The following AHI1 variants were observed in gnomAD, a reference collection of about 807,000 sequenced individuals.
The protein encoded by AHI1 is jouberin.
In AHI1, 123 loss-of-function variants were observed where a neutral mutation model predicts 149.3. The ratio of observed to expected loss-of-function variants is 0.82; its 90% CI spans 0.71 to 0.96. AHI1 has a LOEUF of 0.96. Ranked by LOEUF, AHI1 falls within the 40% of genes least tolerant of loss-of-function variation. AHI1 has a pLI of 0.00. For synonymous variants in AHI1, 475 were observed against 459.8 expected, an observed-to-expected ratio of 1.03 and a Z score of -0.42; for missense variants, 1,439 against 1,422.7, an observed-to-expected ratio of 1.01 and a Z score of -0.18.
chr6:135,492,616 T>C (rs953069096), intron 3 of AHI1: 2 of 985,430 alleles, frequency 2.0e-6, no homozygotes, highest in Non-Finnish European at 2.4e-6. Context: ...TTAATGAACA[T>C]TTCAACGCAC....
At chr6:135,305,027 A>G (rs1401695655) in intron 26 of AHI1, 1 of 152,184 alleles carries the variant, frequency 6.6e-6, no homozygotes, top group Non-Finnish European at 1.5e-5. Flanking sequence ...TTTGTTTTCT[A>G]TTTTAGGAAA....
chr6:135,302,791 T>C (rs1235128432), intron 26 of AHI1: 1 of 1,289,104 alleles, frequency 7.8e-7, no homozygotes, highest in South Asian at 1.2e-5. Flanking sequence ...AGGAGGTGTC[T>C]CTGTGAGCTG....
chr6:135,478,848 C>T (rs1793141667), intron 5 of AHI1, among the ~76,000 whole-genome samples: 1 of 152,248 alleles, frequency 6.6e-6, no homozygotes, highest in South Asian at 2.1e-4. Context: ...AGGCCCAGGG[C>T]CTCACTGCTC....
chr6:135,318,525 A>C lies in AHI1; in HGVS notation c.3420T>G (p.Pro1140=). 1 of 1,581,882 alleles carries C rather than the reference A, an allele frequency of 6.3e-7. No individual in the cohort carries two copies. The highest frequency in any genetic ancestry group is 2.3e-5 in the East Asian group (1 of 44,318). The stretch of plus-strand genomic sequence containing the variant: ...TATGCTCAAAAACATTTACCTTTTG[A>C]GGAGCTGGAGATTTTTCTATTTTAG... The part of the protein sequence containing the change: ...EKTKIEKSPA[P]QKQSINKNKS... Residue 1140 remains proline (P), a synonymous_variant, in exon 26 of 29, where the codon CCT becomes CCG. Transcript: ENST00000265602.
chr6:135,374,345 C>T lies in AHI1; in HGVS notation c.3110-16158G>A, dbSNP rs193177608. 2.1e-3 allele frequency among the ~76,000 whole-genome samples: 312 copies of T among 151,810 alleles called. 4 individuals carry two copies. The highest frequency in any genetic ancestry group is 6.8e-3 in the African/African-American group (283 of 41,408). On this transcript the variant is annotated intron_variant, in intron 23 of 28. Transcript: ENST00000265602. Reference sequence around the variant, plus strand: ...GCCAGGCTGGTCTCGATCTCCTGACCTCGTGATCCACCCGCCTCAGCCTCC... The same window carrying T: ...GCCAGGCTGGTCTCGATCTCCTGACTTCGTGATCCACCCGCCTCAGCCTCC...
chr6:135,387,892 G>T, intron 23 of AHI1: 2 of 1,570,418 alleles, frequency 1.3e-6, no homozygotes, highest in Non-Finnish European at 1.7e-6. Context: ...ACATTTATCC[G>T]AAGAGAGAAA....
At chr6:135,303,820 T>C (rs552186962) in intron 26 of AHI1, among the ~76,000 whole-genome samples, 1 of 152,186 alleles carries the variant, frequency 6.6e-6, no homozygotes, top group Non-Finnish European at 1.5e-5. Context: ...TGGCACCCCC[T>C]GCTTCCCAAC....
chr6:135,406,073 T>C (rs1403870290), intron 21 of AHI1, among the ~76,000 whole-genome samples: 1 of 152,116 alleles, frequency 6.6e-6, no homozygotes, highest in Non-Finnish European at 1.5e-5. Flanking sequence ...TTAGTCATAA[T>C]ATAAATCATT....
intron 5 of AHI1, among the ~76,000 whole-genome samples, chr6:135,483,427 T>C (rs1440146131): frequency 6.6e-6 from 1 of 152,132 alleles, no homozygotes; most frequent in Non-Finnish European, 1.5e-5. Context: ...ATGTAATTCA[T>C]AAGATGAAGA....
rs768504255 is a variant in AHI1, at chr6:135,495,855, G to A, written c.-96C>T. 13 of 152,042 alleles carry A rather than the reference G, an allele frequency of 8.6e-5. No homozygotes were observed. The highest frequency in any genetic ancestry group is 1.8e-4 in the Non-Finnish European group (12 of 68,002). The allele number at this position is 152,042 out of a possible 1,614,324, so 9.4% of individuals were successfully genotyped here. On this transcript the variant is annotated 5_prime_UTR_variant, in exon 3 of 29. An upstream open reading frame in the 5' UTR gains an earlier in-frame stop. Transcript: ENST00000265602. ...GCAAGCTACTTAATTTCTAATCCTT[G>A]GTTTTTCCTTGTCTGGGAATTTAAA...
rs1795124280 is a variant in AHI1, at chr6:135,490,647, A to G, written c.111T>C (p.Leu37=). The part of the protein sequence containing the change: ...MREKKKLKKK[L]VRSEENISPD... ...CTGAGATGTTTTCTTCAGACCTGAC[A>G]AGTTTTTTCTTCAGTTTTTTCTTTT... The change falls in exon 5 of 29, where the codon CTT becomes CTC. Residue 37 remains leucine (L), a synonymous_variant. Coordinates refer to ENST00000265602, the MANE Select transcript of AHI1 (RefSeq NM_001134831.2). 1.2e-6 allele frequency: 2 copies of G among 1,613,618 alleles called. No homozygotes were observed. Among genetic ancestry groups the G allele is most frequent in the South Asian group, 1.1e-5 (1 of 91,062 alleles).
At chr6:135,300,374 A>T in intron 27 of AHI1, 126 bp downstream of exon 27, 2 of 1,114,682 alleles carry the variant, frequency 1.8e-6, no homozygotes, top group Non-Finnish European at 2.4e-6. Context: ...AAACTCCTTT[A>T]AAATCAACTA....
intron 26 of AHI1, chr6:135,301,602 A>T: frequency 6.1e-6 from 6 of 985,466 alleles, no homozygotes; most frequent in Non-Finnish European, 7.2e-6. Flanking sequence ...CTGGACCATA[A>T]TTATATGATT....
intron 20 of AHI1, among the ~76,000 whole-genome samples, chr6:135,426,563 G>C (rs960057528): frequency 1.3e-5 from 2 of 151,544 alleles, no homozygotes; most frequent in Non-Finnish European, 3.0e-5. Flanking sequence ...GCAATTTTGA[G>C]AATGACAGCA....
chr6:135,398,793 A>G (rs1332190910), intron 22 of AHI1, among the ~76,000 whole-genome samples: 1 of 152,076 alleles, frequency 6.6e-6, no homozygotes, highest in East Asian at 1.9e-4. Context: ...TCTCCCACCT[A>G]TCCTTATGTC....
rs761573884 is a variant in AHI1, at chr6:135,490,639, G to A, written c.119C>T (p.Ser40Phe). 1 of 1,613,540 alleles carries A rather than the reference G, an allele frequency of 6.2e-7. No homozygotes were observed. The highest frequency in any genetic ancestry group is 8.5e-7 in the Non-Finnish European group (1 of 1,179,700). ...KKKLKKKLVRSEENISPDTIR... is the reference protein window; with the variant it reads ...KKKLKKKLVRFEENISPDTIR... ...TTTACTTACTGAGATGTTTTCTTCA[G>A]ACCTGACAAGTTTTTTCTTCAGTTT... The change falls in exon 5 of 29, where the codon TCT (serine) becomes TTT (phenylalanine). Residue 40 changes from serine to phenylalanine, a missense_variant. By Grantham distance (155) the Ser-to-Phe change is radical (BLOSUM62 -2). Coordinates refer to ENST00000265602, the MANE Select transcript of AHI1 (RefSeq NM_001134831.2).
At chr6:135,462,203 A>G (rs1790009576) in intron 8 of AHI1, among the ~76,000 whole-genome samples, 1 of 152,074 alleles carries the variant, frequency 6.6e-6, no homozygotes, top group African/African-American at 2.4e-5. Context: ...CTTCTAATGA[A>G]TAAGTACTAT....
chr6:135,291,698 G>A (rs776796756), intron 27 of AHI1, among the ~76,000 whole-genome samples: 41 of 152,320 alleles, frequency 2.7e-4, no homozygotes, highest in Middle Eastern at 6.8e-3. Context: ...AATGAAGTCA[G>A]ATGACTGAGA....
At chr6:135,295,779 GC>G (rs1171111607) in intron 27 of AHI1, among the ~76,000 whole-genome samples, 2 of 152,182 alleles carry the variant, frequency 1.3e-5, no homozygotes, top group African/African-American at 4.8e-5. Context: ...AGATGGGTAT[GC>G]TCATTACCTT....
Sources: allele counts gnomAD v4.1 joint callset (sites outside exome capture counted in the v4.1 genomes callset), GRCh38; gene constraint gnomAD v4.1.1; transcripts MANE v1.5; gene names NCBI Gene and HGNC (gene_info 2026-07-23, HGNC 2026-07-21).